NDRG4: variants seen among roughly 807,000 people sequenced by gnomAD.
NDRG4 encodes the protein protein NDRG4.
Under a neutral mutation model 55.8 loss-of-function variants are expected in NDRG4, and 38 were observed. That is an observed-to-expected ratio of 0.68 (90% CI 0.53 to 0.89). NDRG4 has a LOEUF of 0.89. Ranked by LOEUF, NDRG4 falls within the 40% of genes least tolerant of loss-of-function variation. The probability of loss-of-function intolerance (pLI) is 0.00; values close to 1 mark genes in which losing one functional copy is unlikely to be tolerated. For missense variants in NDRG4, 455 were observed against 468.6 expected (o/e 0.97, Z 0.27); for synonymous variants, 190 against 182.7 (o/e 1.04, Z -0.32).
downstream of NDRG4, among the ~76,000 whole-genome samples, chr16:58,515,265 G>C (rs2039075417): frequency 6.6e-6 from 1 of 152,216 alleles, no homozygotes; most frequent in Non-Finnish European, 1.5e-5. Context: ...TCAGCCCTCG[G>C]GGACAGACCG....
rs997688453 is a variant in NDRG4, at chr16:58,464,731, T to G, written c.-24+934T>G. ...CCATGGGGTCTCTGACCAGCGGAGC[T>G]CGGATTAGGACCCTGAAAGCTAGCT... is the stretch of plus-strand genomic sequence containing the variant. On this transcript the variant is annotated intron_variant, in intron 1 of 15. Coordinates refer to the NDRG4 transcript ENST00000258187. The surrounding 1 kb of genome is among the most constrained non-coding windows in gnomAD (Gnocchi z 4.8). 4 of 1,264,260 alleles carry G rather than the reference T, an allele frequency of 3.2e-6. No individual in the cohort carries two copies. In the Admixed American group the frequency reaches 1.1e-4, roughly 36 times the overall value. The allele number at this position is 1,264,260 out of a possible 1,614,324, so 78.3% of individuals were successfully genotyped here.
chr16:58,490,084 C>G (rs2035598433), intron 2 of NDRG4, among the ~76,000 whole-genome samples: 2 of 152,314 alleles, frequency 1.3e-5, no homozygotes, highest in African/African-American at 4.8e-5. Flanking sequence ...GCAAGTGATC[C>G]TCCTACCTCA....
upstream of NDRG4, among the ~76,000 whole-genome samples, chr16:58,497,220 G>A (rs953228614): frequency 2.6e-5 from 4 of 152,170 alleles, no homozygotes; most frequent in African/African-American, 9.7e-5. Context: ...TACTTGGGAG[G>A]CTGAGGCAGG....
chr16:58,503,910 G>A lies in NDRG4; in HGVS notation c.127+7G>A, dbSNP rs758733097. The A allele has an allele frequency of 1.2e-6, 2 of 1,613,414 alleles. No homozygotes were observed. The highest frequency in any genetic ancestry group is 1.3e-5 in the African/African-American group (1 of 75,050). ...CATGATGTGGGCCTCAACCGTAAGTGCAGCCCAGCCTCAGTCAGCCCTCCT... is the reference window on the plus strand; with the variant it reads ...CATGATGTGGGCCTCAACCGTAAGTACAGCCCAGCCTCAGTCAGCCCTCCT... On this transcript the variant is annotated splice_region_variant and intron_variant, in intron 2 of 14. Transcript: ENST00000570248.
In NDRG4 at chr16:58,502,185, C is replaced by T. The variant is rs555132909; in HGVS notation, c.22-1613C>T. ...CCTTTCCTAGCCTCAATTTCCTCCT[C>T]TATGGCTTGGGCCTATGTGGGAAGT... On this transcript the variant is annotated intron_variant, in intron 1 of 14. Coordinates refer to ENST00000570248, the MANE Select transcript of NDRG4 (RefSeq NM_001242835.2). 62 of 373,046 alleles carry T rather than the reference C, an allele frequency of 1.7e-4. 1 individual carries two copies. Among genetic ancestry groups the T allele is most frequent in the South Asian group, 1.1e-3 (59 of 52,734 alleles). The allele number at this position is 373,046 out of a possible 1,614,324, so 23.1% of individuals were successfully genotyped here. A position where few individuals can be genotyped will look rare whatever the true frequency, so the allele number is the denominator to read the frequency against.
chr16:58,487,918 G>C (rs991723552), intron 2 of NDRG4: 2 of 1,246,494 alleles, frequency 1.6e-6, no homozygotes, highest in Non-Finnish European at 2.2e-6. Flanking sequence ...GAGGGAGACC[G>C]CGTGCCTTTC....
At chr16:58,478,176 G>A (rs1181841636) in intron 1 of NDRG4, among the ~76,000 whole-genome samples, 2 of 152,012 alleles carry the variant, frequency 1.3e-5, no homozygotes, top group East Asian at 3.8e-4. Flanking sequence ...GGATCACGAG[G>A]TCAGGGGTTT....
At chr16:58,506,306 C>A in intron 5 of NDRG4, 81 bp from the exon 6 acceptor site, 1 of 1,378,336 alleles carries the variant, frequency 7.3e-7, no homozygotes, top group Non-Finnish European at 1.0e-6. Flanking sequence ...TGATCAGCAG[C>A]ACCTTGAAGA....
At chr16:58,474,380 A>C (rs1381311773) in intron 1 of NDRG4, among the ~76,000 whole-genome samples, 1 of 152,128 alleles carries the variant, frequency 6.6e-6, no homozygotes, top group Non-Finnish European at 1.5e-5. Context: ...TTGCTCAAAC[A>C]TGCAGGCGCC....
At chr16:58,504,531 T>C (rs1047500602) in intron 4 of NDRG4, 58 bp from the exon 5 acceptor site, 10 of 1,612,432 alleles carry the variant, frequency 6.2e-6, no homozygotes, top group Non-Finnish European at 8.5e-6. Flanking sequence ...CTGCTCTGGA[T>C]GACATGTATG....
chr16:58,481,699 C>G (rs1355363209), intron 1 of NDRG4, among the ~76,000 whole-genome samples: 1 of 152,080 alleles, frequency 6.6e-6, no homozygotes, highest in Non-Finnish European at 1.5e-5. Context: ...TGGGTCCCCT[C>G]CTGGGTTGGC....
At chr16:58,468,881 T>C (rs1206023280) in intron 1 of NDRG4, among the ~76,000 whole-genome samples, 1 of 152,180 alleles carries the variant, frequency 6.6e-6, no homozygotes, top group Non-Finnish European at 1.5e-5. Context: ...AGTGGGACAC[T>C]GGTCTTTTTG....
chr16:58,490,449 C>T (rs1350593543), intron 2 of NDRG4, among the ~76,000 whole-genome samples: 2 of 152,148 alleles, frequency 1.3e-5, no homozygotes, highest in Non-Finnish European at 2.9e-5. Flanking sequence ...CCCTCCCTCC[C>T]TGACTCAGTG....
chr16:58,493,510 C>T (rs951696904), intron 2 of NDRG4, among the ~76,000 whole-genome samples: 7 of 152,210 alleles, frequency 4.6e-5, no homozygotes, highest in African/African-American at 1.7e-4. Flanking sequence ...CTCAGGTGAT[C>T]TGCCCGCCTC....
rs946120713 is a variant in NDRG4, at chr16:58,512,334, T to TG, written c.*763dup. 45 of 332,208 alleles carry TG rather than the reference T, an allele frequency of 1.4e-4. No individual in the cohort carries two copies. The highest frequency in any genetic ancestry group is 1.1e-3 in the Middle Eastern group (1 of 906). The allele number at this position is 332,208 out of a possible 1,614,324, so 20.6% of individuals were successfully genotyped here. The stretch of plus-strand genomic sequence containing the variant: ...TCCTCTGTCCCCACAGTGACCTGAC[T>TG]GGGGGTGAGGGAGAAGGAGGAGAGA... On this transcript the variant is annotated 3_prime_UTR_variant, in exon 15 of 15. Coordinates refer to ENST00000570248, the MANE Select transcript of NDRG4 (RefSeq NM_001242835.2).
rs554384519 is a variant in NDRG4 at position 58,477,227 on chromosome 16, A to C, written c.-23-10529A>C. Among the ~76,000 whole-genome samples, 6 of 152,062 alleles carry C rather than the reference A, an allele frequency of 3.9e-5. No homozygotes were observed. The South Asian group carries it at 1.2e-3, about 32-fold the overall frequency. On this transcript the variant is annotated intron_variant, in intron 1 of 15. Coordinates refer to the NDRG4 transcript ENST00000258187. ...CATACATTTCATAGCTCTGCCTGCT[A>C]AGAGGGCCTAGACCAATGACACCCC...
At chr16:58,506,216 G>T in intron 5 of NDRG4, 171 bp from the exon 6 acceptor site, 1 of 704,296 alleles carries the variant, frequency 1.4e-6, no homozygotes, top group Non-Finnish European at 2.6e-6. Flanking sequence ...CAAGAACTGT[G>T]AAGGGTTCAG....
chr16:58,491,469 A>C (rs534058758), intron 2 of NDRG4, among the ~76,000 whole-genome samples: 128 of 119,856 alleles, frequency 1.1e-3, no homozygotes, highest in Non-Finnish European at 2.0e-3. Flanking sequence ...TTTTTTTTTC[A>C]TTTTATTTAA....
intron 10 of NDRG4, among the ~76,000 whole-genome samples, chr16:58,508,451 G>A (rs2151837666): frequency 6.6e-6 from 1 of 152,350 alleles, no homozygotes; most frequent in East Asian, 1.9e-4. Context: ...GGGAGCAGGT[G>A]GCCTGAGGCT....
Sources: allele counts gnomAD v4.1 joint callset (sites outside exome capture counted in the v4.1 genomes callset), GRCh38; gene constraint gnomAD v4.1.1; non-coding constraint Gnocchi (gnomAD v3.1); transcripts MANE v1.5; gene names NCBI Gene and HGNC (gene_info 2026-07-23, HGNC 2026-07-21).